Variants in EVC2 observed in about 807,000 individuals in gnomAD.
EVC2 encodes the protein EvC ciliary complex subunit 2, also known as limbin.
A neutral mutation model predicts 149.3 loss-of-function variants in EVC2; 148 were observed. The observed-to-expected ratio is 0.99, with a 90% CI of 0.87 to 1.14. The LOEUF is 1.14. Among genes scored for constraint, EVC2 ranks in the 50% most tolerant of loss-of-function variants. EVC2 has a pLI of 0.00. For synonymous variants in EVC2, 776 were observed against 649.9 expected, an observed-to-expected ratio of 1.19 and a Z score of -2.95; for missense variants, 1,854 against 1,627.3, an observed-to-expected ratio of 1.14 and a Z score of -2.40.
Position 5,686,847 on chromosome 4 carries a change from A to T in EVC2, c.707-1368T>A, listed in dbSNP as rs1396559165. Among the ~76,000 whole-genome samples the T allele has an allele frequency of 6.6e-6, 1 of 152,082 alleles. No individual in the cohort carries two copies. Among genetic ancestry groups the T allele is most frequent in the Non-Finnish European group, 1.5e-5 (1 of 68,020 alleles). On this transcript the variant is annotated intron_variant, in intron 5 of 21. Transcript: ENST00000344408. This position sits in a 1 kb window ranked among gnomAD's most constrained non-coding sequence, Gnocchi z 5.4. ...AAATCAATGTCACATTCCTTGGCGT[A>T]GCGGTGAGTTCACAGATAAATATGA...
At chr4:5,606,767 G>T (rs1714424768) in intron 16 of EVC2, among the ~76,000 whole-genome samples, 1 of 152,160 alleles carries the variant, frequency 6.6e-6, no homozygotes, top group Non-Finnish European at 1.5e-5. Flanking sequence ...GAATTGGGAG[G>T]CTACAAAGTT....
At chr4:5,647,455 C>T (rs2108873441) in intron 9 of EVC2, among the ~76,000 whole-genome samples, 1 of 152,360 alleles carries the variant, frequency 6.6e-6, no homozygotes, top group South Asian at 2.1e-4. Context: ...TAGTTTTAAA[C>T]AACAGCTCAT....
At position 5,679,482 on chromosome 4, in the gene EVC2, C is replaced by T. The variant is rs1207144885; in HGVS notation, c.870+1778G>A. Among the ~76,000 whole-genome samples, 1 of 152,128 alleles carries T rather than the reference C, an allele frequency of 6.6e-6. No homozygotes were observed. Among genetic ancestry groups the T allele is most frequent in the East Asian group, 1.9e-4 (1 of 5,188 alleles). On this transcript the variant is annotated intron_variant, in intron 7 of 21. Coordinates refer to ENST00000344408, the MANE Select transcript of EVC2 (RefSeq NM_147127.5). This position sits in a 1 kb window ranked among gnomAD's most constrained non-coding sequence, Gnocchi z 5.1. Reference sequence around the variant, plus strand: ...TGAACTCCTGGCTTCAAGTGATCAGCCCACCTCAGCCTCCCAAAGTACTGA... The same window carrying T: ...TGAACTCCTGGCTTCAAGTGATCAGTCCACCTCAGCCTCCCAAAGTACTGA...
chr4:5,599,893 T>C (rs1713834399), intron 16 of EVC2, among the ~76,000 whole-genome samples: 1 of 152,216 alleles, frequency 6.6e-6, no homozygotes. Flanking sequence ...GATTCACTGA[T>C]GGTCCATTGG....
chr4:5,589,501 T>C, intron 16 of EVC2, among the ~76,000 whole-genome samples: 1 of 152,208 alleles, frequency 6.6e-6, no homozygotes, highest in East Asian at 1.9e-4. Context: ...TCTGGGATTC[T>C]GTCCTGTGAA....
rs1172434600 is a variant in EVC2, at chr4:5,683,901, AACACACACAGCTGCCCGGGAAC to A, written c.816+1447_816+1468del. 3.2e-3 allele frequency among the ~76,000 whole-genome samples: 489 copies of A among 150,628 alleles called. 3 individuals carry two copies. The highest frequency in any genetic ancestry group is 0.011 in the African/African-American group (465 of 40,878). On this transcript the variant is annotated intron_variant, in intron 6 of 21. Coordinates refer to ENST00000344408, the MANE Select transcript of EVC2 (RefSeq NM_147127.5). Reference sequence around the variant, plus strand: ...CCGGGAACACACACAGCTACACGGGAACACACACAGCTGCCCGGGAACACACACACAGCTGCCCGGGAACACA... The same window carrying A: ...CCGGGAACACACACAGCTACACGGGAACACACACAGCTGCCCGGGAACACA...
At chr4:5,646,304 T>C (rs559945478) in intron 9 of EVC2, among the ~76,000 whole-genome samples, 1 of 152,312 alleles carries the variant, frequency 6.6e-6, no homozygotes, top group African/African-American at 2.4e-5. Flanking sequence ...TGATTTGCAT[T>C]TCCCTAATGA....
chr4:5,638,960 A>G (rs1360232694), intron 10 of EVC2, among the ~76,000 whole-genome samples: 1 of 152,152 alleles, frequency 6.6e-6, no homozygotes, highest in Non-Finnish European at 1.5e-5. Flanking sequence ...AAGCCACTAA[A>G]TTTGTGGTGA....
intron 6 of EVC2, among the ~76,000 whole-genome samples, chr4:5,684,018 T>A (rs1720528602): frequency 6.6e-6 from 1 of 152,194 alleles, no homozygotes; most frequent in African/African-American, 2.4e-5. Context: ...TTCATTTCAT[T>A]CAGAGTTTCT....
At chr4:5,537,283 T>C in the EVC2 span, among the ~76,000 whole-genome samples, 2 of 152,274 alleles carry the variant, frequency 1.3e-5, no homozygotes, top group East Asian at 3.9e-4. Context: ...AACACTGGAA[T>C]CTTCAGGGGG....
downstream of EVC2, among the ~76,000 whole-genome samples, chr4:5,561,382 G>A (rs1453905438): frequency 1.3e-5 from 2 of 152,122 alleles, no homozygotes; most frequent in Non-Finnish European, 2.9e-5. Flanking sequence ...GTTCTCACTC[G>A]AGGCCCACTG....
Position 5,633,142 on chromosome 4 carries a change from G to T in EVC2, c.1471-1110C>A, listed in dbSNP as rs892559621. Among the ~76,000 whole-genome samples the T allele has an allele frequency of 6.6e-6, 1 of 152,186 alleles. No homozygotes were observed. Among genetic ancestry groups the T allele is most frequent in the African/African-American group, 2.4e-5 (1 of 41,452 alleles). On this transcript the variant is annotated intron_variant, in intron 10 of 21. Coordinates refer to ENST00000344408, the MANE Select transcript of EVC2 (RefSeq NM_147127.5). This position sits in a 1 kb window ranked among gnomAD's most constrained non-coding sequence, Gnocchi z 4.4. ...CCTGCTGGCTTTGAAGAACCAAACA[G>T]CCAGGCTGTAAACTGTCTCCGCAGA...
At chr4:5,706,465 CATACATACATAG>C (rs1722202470) in intron 1 of EVC2, among the ~76,000 whole-genome samples, 1 of 113,628 alleles carries the variant, frequency 8.8e-6, no homozygotes, top group Non-Finnish European at 1.9e-5. Context: ...TACATACATA[CATACATACATAG>C]ATAATATTGA....
chr4:5,589,075 A>G (rs1256703609), intron 16 of EVC2, among the ~76,000 whole-genome samples: 2 of 152,240 alleles, frequency 1.3e-5, no homozygotes, highest in African/African-American at 4.8e-5. Context: ...TAACTGAACT[A>G]CAGACAATGT....
chr4:5,568,511 CGGT>C lies in EVC2; in HGVS notation c.3487_3489del (p.Thr1163del), dbSNP rs1553813318. On this transcript the variant is annotated inframe_deletion, in exon 20 of 22. Coordinates refer to ENST00000344408, the MANE Select transcript of EVC2 (RefSeq NM_147127.5). ...TCAGCTGCGTGGTCCACATGTCTCT[CGGT>C]GGCCGAATCCAGCAGGGCCAGCAGC... is the stretch of plus-strand genomic sequence containing the variant. 1.9e-6 allele frequency: 3 copies of C among 1,589,736 alleles called. No individual in the cohort carries two copies. In the South Asian group the frequency reaches 3.4e-5, roughly 18 times the overall value.
chr4:5,682,985 C>T (rs1331459333), intron 6 of EVC2, among the ~76,000 whole-genome samples: 1 of 152,166 alleles, frequency 6.6e-6, no homozygotes, highest in Admixed American at 6.5e-5. Flanking sequence ...CTATGCTCCT[C>T]CCAAGGTAGC....
At position 5,543,031 on chromosome 4, in the gene EVC2, A is replaced by G. The variant is rs181365440; in HGVS notation, c.*85+15T>C. The G allele has an allele frequency of 3.8e-5, 29 of 771,140 alleles. No individual in the cohort carries two copies. The African/African-American group carries it at 4.3e-4, about 11-fold the overall frequency. 47.8% of individuals were successfully genotyped at this position (771,140 alleles called of 1,614,324 possible). A position where few individuals can be genotyped will look rare whatever the true frequency, so the allele number is the denominator to read the frequency against. The stretch of plus-strand genomic sequence containing the variant: ...TGATGCGGGCAGAGCAGAATTCTGT[A>G]TTTTTCTGACTTACTATTACGCAAA... On this transcript the variant is annotated intron_variant and NMD_transcript_variant, in intron 22 of 22. Transcript: ENST00000475313.
chr4:5,685,391 G>C lies in EVC2; in HGVS notation c.795C>G (p.Leu265=). 1 of 1,614,234 alleles carries C rather than the reference G, an allele frequency of 6.2e-7. No individual in the cohort carries two copies. The highest frequency in any genetic ancestry group is 1.6e-4 in the Middle Eastern group (1 of 6,062). The change falls in exon 6 of 22, where the codon CTC becomes CTG. Residue 265 remains leucine, a synonymous_variant. Transcript: ENST00000344408. ...ATACCCGTGACGAGCTCTGAAAGGTGAGTTGGGCAGGAAGCTTGAGGCTCT... is the reference window on the plus strand; with the variant it reads ...ATACCCGTGACGAGCTCTGAAAGGTCAGTTGGGCAGGAAGCTTGAGGCTCT... ...NGESLKLPAQ[L]TFQSSSRNRT... is the part of the protein sequence containing the mutation.
chr4:5,673,321 T>C (rs1164429344), intron 7 of EVC2, among the ~76,000 whole-genome samples: 3 of 152,188 alleles, frequency 2.0e-5, no homozygotes, highest in Non-Finnish European at 2.9e-5. Flanking sequence ...GAGCCAACAA[T>C]GTCCCTGAAT....
Sources: gnomAD v4.1 joint callset for allele counts (sites outside exome capture counted in the v4.1 genomes callset) on GRCh38, gnomAD v4.1.1 for gene constraint, Gnocchi (gnomAD v3.1) non-coding constraint, MANE v1.5 for transcripts, NCBI Gene and HGNC (gene_info 2026-07-23, HGNC 2026-07-21) for gene names.